The following RAB6A variants were observed in gnomAD, a reference collection of about 807,000 sequenced individuals.
RAB6A encodes RAB6A, member RAS oncogene family.
In RAB6A, 8 loss-of-function variants were observed where a neutral mutation model predicts 32.3. The observed-to-expected ratio is 0.25, with a 90% CI of 0.15 to 0.45. The LOEUF (loss-of-function observed/expected upper bound fraction) is 0.45, where lower values mean the gene tolerates loss of function less well. Ranked by LOEUF, RAB6A falls within the 20% of genes least tolerant of loss-of-function variation. The pLI is 1.00. For missense variants in RAB6A, 104 were observed against 249.4 expected, an observed-to-expected ratio of 0.42 and a Z score of 3.93; for synonymous variants, 73 against 82.1, an observed-to-expected ratio of 0.89 and a Z score of 0.60.
chr11:73,703,891 G>A (rs1288159235), intron 6 of RAB6A, among the ~76,000 whole-genome samples: 3 of 151,702 alleles, frequency 2.0e-5, no homozygotes, highest in African/African-American at 7.3e-5. Context: ...TTGGCTGGGC[G>A]TGGTGGCATG....
intron 2 of RAB6A, among the ~76,000 whole-genome samples, chr11:73,727,404 C>T (rs979440078): frequency 1.3e-5 from 2 of 148,384 alleles, no homozygotes; most frequent in East Asian, 3.9e-4. Flanking sequence ...CCAGCCTGGG[C>T]GACAAAGCAA....
intron 1 of RAB6A, among the ~76,000 whole-genome samples, chr11:73,731,317 G>C (rs1946297749): frequency 1.3e-5 from 2 of 151,970 alleles, no homozygotes; most frequent in African/African-American, 4.8e-5. Context: ...GGCCAACGTG[G>C]GTGGATCACG....
intron 6 of RAB6A, among the ~76,000 whole-genome samples, chr11:73,700,232 C>T (rs1025846332): frequency 3.9e-5 from 6 of 152,080 alleles, no homozygotes; most frequent in African/African-American, 1.4e-4. Flanking sequence ...AAGTAATCAC[C>T]TTATCATTAT....
chr11:73,716,106 G>T, intron 5 of RAB6A, 145 bp downstream of exon 5: 1 of 542,814 alleles, frequency 1.8e-6, no homozygotes, highest in Non-Finnish European at 3.2e-6. Flanking sequence ...ATTTATATTT[G>T]AGGTTCCCAT....
chr11:73,755,587 C>T (rs1338619171), intron 1 of RAB6A, among the ~76,000 whole-genome samples: 1 of 152,186 alleles, frequency 6.6e-6, no homozygotes, highest in East Asian at 1.9e-4. Context: ...GCCACCGCAC[C>T]CGGCCTAAAT....
intron 1 of RAB6A, among the ~76,000 whole-genome samples, chr11:73,750,129 A>T (rs1946651973): frequency 6.6e-6 from 1 of 152,222 alleles, no homozygotes; most frequent in Non-Finnish European, 1.5e-5. Flanking sequence ...GGTTTAACTT[A>T]GACAAGAGAG....
intron 6 of RAB6A, among the ~76,000 whole-genome samples, chr11:73,707,094 G>A (rs989955205): frequency 6.8e-6 from 1 of 147,298 alleles, no homozygotes; most frequent in Non-Finnish European, 1.5e-5. Context: ...TTCAAGCCTC[G>A]GCAACAAGAG....
At chr11:73,712,100 T>C (rs1945966165) in intron 5 of RAB6A, among the ~76,000 whole-genome samples, 1 of 152,242 alleles carries the variant, frequency 6.6e-6, no homozygotes, top group Non-Finnish European at 1.5e-5. Flanking sequence ...CTTTACATTT[T>C]CCCTTATTTT....
intron 6 of RAB6A, among the ~76,000 whole-genome samples, chr11:73,693,795 T>C (rs891563359): frequency 6.6e-6 from 1 of 151,816 alleles, no homozygotes; most frequent in Non-Finnish European, 1.5e-5. Flanking sequence ...GGAGGACTGC[T>C]TGAACCCAGG....
intron 2 of RAB6A, among the ~76,000 whole-genome samples, chr11:73,723,659 C>T (rs1946175200): frequency 1.3e-5 from 2 of 152,094 alleles, no homozygotes; most frequent in Admixed American, 1.3e-4. Context: ...GCCTACTAGG[C>T]ACCATCATTA....
intron 2 of RAB6A, among the ~76,000 whole-genome samples, chr11:73,727,239 T>A (rs184191616): frequency 2.3e-3 from 353 of 151,924 alleles, no homozygotes; most frequent in Middle Eastern, 6.8e-3. Context: ...TTAGGCAAGA[T>A]GGCAAAAACC....
chr11:73,680,008 G>A (rs948873218), intron 6 of RAB6A, among the ~76,000 whole-genome samples: 1 of 152,152 alleles, frequency 6.6e-6, no homozygotes, highest in Non-Finnish European at 1.5e-5. Flanking sequence ...TGAACCTGGA[G>A]GACTGCTTCA....
chr11:73,717,070 A>G (rs1386569469), intron 4 of RAB6A, among the ~76,000 whole-genome samples: 3 of 152,246 alleles, frequency 2.0e-5, no homozygotes, highest in African/African-American at 7.2e-5. Context: ...TTAAAGCTAC[A>G]AAACGTGTCA....
intron 2 of RAB6A, among the ~76,000 whole-genome samples, chr11:73,724,631 C>T (rs891017335): frequency 4.6e-5 from 7 of 152,032 alleles, no homozygotes; most frequent in South Asian, 4.2e-4. Flanking sequence ...GGACTACAGG[C>T]GCCCGACACC....
chr11:73,727,987 A>T (rs1197088837), intron 2 of RAB6A, among the ~76,000 whole-genome samples: 1 of 152,160 alleles, frequency 6.6e-6, no homozygotes, highest in Non-Finnish European at 1.5e-5. Flanking sequence ...TTAACTTAAA[A>T]TTTTTTTAAT....
At chr11:73,698,577 T>G (rs1056115955) in intron 6 of RAB6A, among the ~76,000 whole-genome samples, 1 of 152,158 alleles carries the variant, frequency 6.6e-6, no homozygotes, top group Non-Finnish European at 1.5e-5. Context: ...CTCTCTAAAA[T>G]CAGACCAACA....
chr11:73,734,643 A>G (rs1946365960), intron 1 of RAB6A, among the ~76,000 whole-genome samples: 1 of 152,158 alleles, frequency 6.6e-6, no homozygotes, highest in East Asian at 1.9e-4. Flanking sequence ...CATGCAACCT[A>G]GATCCCTCAC....
chr11:73,684,388 C>T (rs774751215), intron 6 of RAB6A, among the ~76,000 whole-genome samples: 9 of 151,994 alleles, frequency 5.9e-5, no homozygotes, highest in Non-Finnish European at 1.2e-4. Context: ...AGGCTGGTCT[C>T]GAACTCCTGA....
chr11:73,701,473 C>G (rs565925668), intron 6 of RAB6A, among the ~76,000 whole-genome samples: 2 of 152,240 alleles, frequency 1.3e-5, no homozygotes, highest in Admixed American at 6.5e-5. Context: ...CAGAAGAGAT[C>G]AGAGATTATT....
Sources: gnomAD v4.1 joint callset for allele counts (sites outside exome capture counted in the v4.1 genomes callset) on GRCh38, gnomAD v4.1.1 for gene constraint, MANE v1.5 for transcripts, NCBI Gene and HGNC (gene_info 2026-07-23, HGNC 2026-07-21) for gene names.